COL21A1: variants seen among roughly 807,000 people sequenced by gnomAD.
COL21A1 encodes collagen alpha-1(XXI) chain.
In COL21A1, 149 loss-of-function variants were observed where a neutral mutation model predicts 137.9. That is an observed-to-expected ratio of 1.08 (90% CI 0.95 to 1.24). The LOEUF (loss-of-function observed/expected upper bound fraction) is 1.24, where lower values mean the gene tolerates loss of function less well. COL21A1 is among the 50% of genes most tolerant of loss of function. The probability of loss-of-function intolerance (pLI) is 0.00; values close to 1 mark genes in which losing one functional copy is unlikely to be tolerated. For missense variants in COL21A1, 1,167 were observed against 1,158.4 expected, an observed-to-expected ratio of 1.01 and a Z score of -0.11; for synonymous variants, 456 against 391.5, an observed-to-expected ratio of 1.16 and a Z score of -1.95.
At chr6:56,316,856 T>G (rs888612158) in intron 1 of COL21A1, among the ~76,000 whole-genome samples, 1 of 152,128 alleles carries the variant, frequency 6.6e-6, no homozygotes, top group African/African-American at 2.4e-5. Flanking sequence ...TAGTTTGACA[T>G]TTAAAATTCT....
chr6:56,073,241 C>A (rs1766912261), intron 20 of COL21A1, among the ~76,000 whole-genome samples: 1 of 151,362 alleles, frequency 6.6e-6, no homozygotes, highest in African/African-American at 2.4e-5. Context: ...ACTGTGGAGA[C>A]CTGCTTAGCA....
At chr6:56,379,121 C>A (rs1384180015) in intron 1 of COL21A1, among the ~76,000 whole-genome samples, 1 of 152,148 alleles carries the variant, frequency 6.6e-6, no homozygotes, top group Non-Finnish European at 1.5e-5. Flanking sequence ...TACAAACAAG[C>A]CCAGACGGCG....
At position 56,181,505 on chromosome 6, in the gene COL21A1, T is replaced by C. The variant is rs186360651; in HGVS notation, c.88+1026A>G. Among the ~76,000 whole-genome samples, 7 of 152,186 alleles carry C rather than the reference T, an allele frequency of 4.6e-5. No individual in the cohort carries two copies. The East Asian group carries it at 1.2e-3, about 25-fold the overall frequency. On this transcript the variant is annotated intron_variant, in intron 2 of 29. Coordinates refer to ENST00000244728, the MANE Select transcript of COL21A1 (RefSeq NM_030820.4). ...ACTCATTGTTGTCTGAAGCTGTTAG[T>C]GTTTGTGTGCCACCTGATTCAGTGG... is the stretch of plus-strand genomic sequence containing the variant.
chr6:56,104,813 T>C (rs1384359520), intron 16 of COL21A1, among the ~76,000 whole-genome samples: 2 of 152,176 alleles, frequency 1.3e-5, no homozygotes, highest in Non-Finnish European at 2.9e-5. Context: ...AAACTTGCAT[T>C]CCATGTGTAT....
intron 3 of COL21A1, among the ~76,000 whole-genome samples, chr6:56,178,349 G>C (rs1777644176): frequency 6.6e-6 from 1 of 152,040 alleles, no homozygotes; most frequent in South Asian, 2.1e-4. Context: ...GAACTATGGT[G>C]GTGATTTGTA....
Position 56,128,811 on chromosome 6 carries a change from T to A in COL21A1, c.1543-2662A>T, listed in dbSNP as rs147515571. On this transcript the variant is annotated intron_variant, in intron 12 of 29. Coordinates refer to ENST00000244728, the MANE Select transcript of COL21A1 (RefSeq NM_030820.4). Reference sequence around the variant, plus strand: ...CCGGGATTACAGGTACCCACCACCATGCCTGGCTAATTTTTGTATTTTTAG... The same window carrying A: ...CCGGGATTACAGGTACCCACCACCAAGCCTGGCTAATTTTTGTATTTTTAG... Among the ~76,000 whole-genome samples the A allele has an allele frequency of 4.0e-3, 613 of 152,204 alleles. 5 individuals are homozygous for A. Among genetic ancestry groups the A allele is most frequent in the African/African-American group, 0.014 (583 of 41,536 alleles).
chr6:56,151,326 G>C (rs892961345), intron 10 of COL21A1, among the ~76,000 whole-genome samples: 1 of 152,170 alleles, frequency 6.6e-6, no homozygotes, highest in African/African-American at 2.4e-5. Context: ...TCATAAGCTA[G>C]TGCTATTTCC....
intron 1 of COL21A1, among the ~76,000 whole-genome samples, chr6:56,260,630 AGG>A (rs1763233914): frequency 3.0e-5 from 1 of 33,418 alleles, no homozygotes; most frequent in Non-Finnish European, 5.9e-5. Flanking sequence ...AGAGAGAGGA[AGG>A]AAGGAAGGAA....
chr6:56,188,689 C>T (rs1045216196), intron 1 of COL21A1, among the ~76,000 whole-genome samples: 100 of 152,240 alleles, frequency 6.6e-4, no homozygotes, highest in African/African-American at 2.3e-3. Flanking sequence ...TATCCTGGGT[C>T]CCCAGTAGGG....
chr6:56,116,245 A>G (rs951553874), intron 16 of COL21A1, among the ~76,000 whole-genome samples: 17 of 152,156 alleles, frequency 1.1e-4, no homozygotes, highest in South Asian at 1.0e-3. Context: ...AAGGTCAAGG[A>G]TAAAGAAAGG....
At chr6:56,171,155 G>C in intron 3 of COL21A1, 27 bp from the exon 4 acceptor site, 1 of 1,542,692 alleles carries the variant, frequency 6.5e-7, no homozygotes, top group Non-Finnish European at 8.7e-7. Flanking sequence ...ATAAAAGTTG[G>C]TTAATCATGG....
chr6:56,302,474 G>A (rs1764324009), intron 1 of COL21A1, among the ~76,000 whole-genome samples: 1 of 151,778 alleles, frequency 6.6e-6, no homozygotes, highest in Non-Finnish European at 1.5e-5. Flanking sequence ...TTTCTCTGAT[G>A]GCCAGTGATG....
chr6:56,370,005 T>G (rs1766193522), intron 1 of COL21A1, among the ~76,000 whole-genome samples: 1 of 152,208 alleles, frequency 6.6e-6, no homozygotes, highest in Non-Finnish European at 1.5e-5. Flanking sequence ...TATTCAAAAA[T>G]ATATGCTTAC....
chr6:56,312,856 G>A (rs929798318), intron 1 of COL21A1, among the ~76,000 whole-genome samples: 7 of 152,094 alleles, frequency 4.6e-5, no homozygotes, highest in African/African-American at 1.4e-4. Context: ...CCCTTGAGGG[G>A]AAAAGGAGGG....
intron 16 of COL21A1, among the ~76,000 whole-genome samples, chr6:56,116,707 C>T (rs1357977852): frequency 6.6e-6 from 1 of 151,716 alleles, no homozygotes; most frequent in African/African-American, 2.4e-5. Context: ...AATAGAAAGA[C>T]TAAATAATGA....
At chr6:56,359,582 G>A (rs780845186) in intron 1 of COL21A1, among the ~76,000 whole-genome samples, 1 of 152,028 alleles carries the variant, frequency 6.6e-6, no homozygotes, top group Non-Finnish European at 1.5e-5. Flanking sequence ...TGAGGCAATC[G>A]GACATCTGTT....
At chr6:56,130,165 T>TTTTATA (rs1414609284) in intron 12 of COL21A1, among the ~76,000 whole-genome samples, 54 of 107,914 alleles carry the variant, frequency 5.0e-4, no homozygotes, top group African/African-American at 6.5e-4. Context: ...TGACAGGGTT[T>TTTTATA]TATATATATA....
At chr6:56,232,062 A>G (rs777928858) in intron 1 of COL21A1, among the ~76,000 whole-genome samples, 1 of 151,890 alleles carries the variant, frequency 6.6e-6, no homozygotes, top group African/African-American at 2.4e-5. Flanking sequence ...ACTATCTGCC[A>G]AGTGGGATGG....
chr6:56,301,583 A>G (rs1764279869), intron 1 of COL21A1, among the ~76,000 whole-genome samples: 1 of 152,208 alleles, frequency 6.6e-6, no homozygotes, highest in African/African-American at 2.4e-5. Context: ...AACTACAGAC[A>G]TCAGAAACAG....
Sources: gnomAD v4.1 joint callset for allele counts (sites outside exome capture counted in the v4.1 genomes callset) on GRCh38, gnomAD v4.1.1 for gene constraint, MANE v1.5 for transcripts, NCBI Gene and HGNC (gene_info 2026-07-23, HGNC 2026-07-21) for gene names.